The following LRBA variants were observed in gnomAD, a reference collection of about 807,000 sequenced individuals.
LRBA encodes LPS responsive beige-like anchor protein, also known as lipopolysaccharide-responsive and beige-like anchor protein.
In LRBA, 176 loss-of-function variants were observed where a neutral mutation model predicts 330.0. The ratio of observed to expected loss-of-function variants is 0.53; its 90% CI spans 0.47 to 0.60. LRBA has a LOEUF of 0.60. Ranked by LOEUF, LRBA falls within the 20% of genes least tolerant of loss-of-function variation. LRBA has a pLI of 0.00. For missense variants in LRBA, 3,259 were observed against 3,444.8 expected (o/e 0.95, Z 1.35); for synonymous variants, 1,230 against 1,193.0 (o/e 1.03, Z -0.64).
intron 37 of LRBA, among the ~76,000 whole-genome samples, chr4:150,607,526 A>C (rs936027953): frequency 6.6e-6 from 1 of 151,530 alleles, no homozygotes; most frequent in African/African-American, 2.4e-5. Context: ...TAGATGCCTA[A>C]TAACATCCAG....
intron 34 of LRBA, among the ~76,000 whole-genome samples, chr4:150,779,864 A>C (rs1737927575): frequency 6.6e-6 from 1 of 152,232 alleles, no homozygotes; most frequent in Non-Finnish European, 1.5e-5. Flanking sequence ...AAAGAATAAA[A>C]ATCTAAAGAA....
rs78795944 is a variant in LRBA, at chr4:150,380,554, T to C, written c.7195-30395A>G. 4.1e-4 allele frequency among the ~76,000 whole-genome samples: 63 copies of C among 152,006 alleles called. 1 individual carries two copies. In the East Asian group the frequency reaches 0.011, roughly 27 times the overall value. ...AAACAAACACTGGAACACTAAAAGT[T>C]TGAGATGAGAATTACTGACTAAAAA... On this transcript the variant is annotated intron_variant, in intron 47 of 56. Transcript: ENST00000651943.
intron 15 of LRBA, among the ~76,000 whole-genome samples, chr4:150,896,861 T>C (rs999959679): frequency 3.3e-5 from 5 of 151,876 alleles, no homozygotes; most frequent in African/African-American, 1.2e-4. Flanking sequence ...CAAGTTAAAA[T>C]GTCAAGTACC....
chr4:150,707,746 A>C (rs1228978409), intron 36 of LRBA, among the ~76,000 whole-genome samples: 2 of 151,674 alleles, frequency 1.3e-5, no homozygotes, highest in Non-Finnish European at 3.0e-5. Flanking sequence ...AAGAGAGAAA[A>C]TGGAAGCTTG....
intron 41 of LRBA, 99 bp from the exon 42 acceptor site, chr4:150,487,933 T>A: frequency 1.8e-6 from 1 of 545,656 alleles, no homozygotes; most frequent in Non-Finnish European, 3.3e-6. Flanking sequence ...AATTCAGGTA[T>A]CTATTAAATA....
chr4:150,972,424 G>C (rs1739682876), intron 2 of LRBA, among the ~76,000 whole-genome samples: 1 of 152,122 alleles, frequency 6.6e-6, no homozygotes, highest in South Asian at 2.1e-4. Context: ...CAGGATTTTA[G>C]ATAGATTTGG....
intron 19 of LRBA, 49 bp from the exon 20 acceptor site, chr4:150,870,655 T>G (rs762791651): frequency 7.0e-6 from 6 of 856,280 alleles, no homozygotes; most frequent in Non-Finnish European, 1.2e-5. Context: ...TGGATTAGCA[T>G]CACTATTAAT....
intron 17 of LRBA, among the ~76,000 whole-genome samples, chr4:150,888,895 G>A (rs1232596103): frequency 6.6e-6 from 1 of 152,156 alleles, no homozygotes; most frequent in Non-Finnish European, 1.5e-5. Flanking sequence ...TATTAGCTAG[G>A]TTTTTCCAGA....
chr4:150,282,474 C>T lies in LRBA; in HGVS notation c.8292G>A (p.Thr2764=), dbSNP rs755808118. The part of the protein sequence containing the change: ...TFSVNGKLQA[T]METDDNIRAI... ...CTCTTATGTTATCATCTGTTTCCAT[C>T]GTGGCCTGGAGTTTTCCATTCACAC... The change falls in exon 55 of 57, where the codon ACG becomes ACA. Residue 2764 remains threonine, a synonymous_variant. Transcript: ENST00000651943. 1.7e-5 allele frequency: 28 copies of T among 1,614,090 alleles called. No individual in the cohort carries two copies. The highest frequency in any genetic ancestry group is 2.2e-5 in the Non-Finnish European group (26 of 1,179,978).
At chr4:150,403,576 T>C (rs1745781979) in intron 47 of LRBA, among the ~76,000 whole-genome samples, 1 of 152,152 alleles carries the variant, frequency 6.6e-6, no homozygotes. Flanking sequence ...CTCCTTCCCC[T>C]TCTTTTTTTT....
intron 47 of LRBA, among the ~76,000 whole-genome samples, chr4:150,373,304 T>C (rs552832162): frequency 7.9e-5 from 12 of 152,174 alleles, no homozygotes; most frequent in Non-Finnish European, 1.6e-4. Flanking sequence ...AGCTGTTGTA[T>C]TTTTGAGTAA....
chr4:150,524,715 G>A (rs185044420), intron 40 of LRBA, among the ~76,000 whole-genome samples: 4 of 152,252 alleles, frequency 2.6e-5, no homozygotes, highest in Admixed American at 1.3e-4. Flanking sequence ...CAGGTAGATT[G>A]TCCCTTCAAC....
chr4:150,805,933 T>G (rs887240768), intron 33 of LRBA, among the ~76,000 whole-genome samples: 1 of 152,148 alleles, frequency 6.6e-6, no homozygotes, highest in Non-Finnish European at 1.5e-5. Flanking sequence ...TGGCAATACA[T>G]TGTTGTTCAT....
rs10031124 is a variant in LRBA, at chr4:150,917,002, A to C, written c.646-264T>G. Reference sequence around the variant, plus strand: ...CCCCGTCTCTACTAAAAATACAAAAAATTAGCCGGGTACGGTGGTGGGTGC... The same window carrying C: ...CCCCGTCTCTACTAAAAATACAAAACATTAGCCGGGTACGGTGGTGGGTGC... On this transcript the variant is annotated intron_variant, in intron 5 of 56. Coordinates refer to ENST00000651943, the MANE Select transcript of LRBA (RefSeq NM_001364905.1). 0.7 allele frequency among the ~76,000 whole-genome samples: 106,619 copies of C among 151,850 alleles called. 43,301 individuals are homozygous for C. The highest frequency in any genetic ancestry group is 0.91 in the Non-Finnish European group (61,871 of 67,966).
chr4:150,737,709 T>C (rs1472441441), intron 35 of LRBA, among the ~76,000 whole-genome samples: 2 of 152,144 alleles, frequency 1.3e-5, no homozygotes, highest in East Asian at 3.9e-4. Context: ...AATTTAGCTT[T>C]CATCAATCCC....
At chr4:150,854,433 T>C (rs749002389) in intron 22 of LRBA, among the ~76,000 whole-genome samples, 2 of 152,224 alleles carry the variant, frequency 1.3e-5, no homozygotes, top group Non-Finnish European at 2.9e-5. Flanking sequence ...CTCATATTCA[T>C]TCAACAAAAA....
At chr4:150,540,473 G>T (rs1765200253) in intron 40 of LRBA, among the ~76,000 whole-genome samples, 1 of 152,130 alleles carries the variant, frequency 6.6e-6, no homozygotes, top group Non-Finnish European at 1.5e-5. Context: ...GGGTATACAG[G>T]CATGAGCCAC....
intron 56 of LRBA, among the ~76,000 whole-genome samples, chr4:150,273,196 A>C (rs919105752): frequency 9.2e-5 from 14 of 152,216 alleles, no homozygotes; most frequent in African/African-American, 3.4e-4. Flanking sequence ...CCAGAATTTC[A>C]TATCCAGCCA....
chr4:150,704,458 CA>C (rs1785419474), intron 36 of LRBA, among the ~76,000 whole-genome samples: 2 of 151,774 alleles, frequency 1.3e-5, no homozygotes, highest in Admixed American at 6.6e-5. Context: ...AATTAAAACA[CA>C]AAAAGAGCCA....
Sources: allele counts gnomAD v4.1 joint callset (sites outside exome capture counted in the v4.1 genomes callset), GRCh38; gene constraint gnomAD v4.1.1; transcripts MANE v1.5; gene names NCBI Gene and HGNC (gene_info 2026-07-23, HGNC 2026-07-21).